DENND1A: variants seen among roughly 807,000 people sequenced by gnomAD.
The protein encoded by DENND1A is DENN domain-containing protein 1A.
A neutral mutation model predicts 113.7 loss-of-function variants in DENND1A; 51 were observed. The observed-to-expected ratio is 0.45, with a 90% confidence interval of 0.36 to 0.57. The LOEUF (loss-of-function observed/expected upper bound fraction) is 0.57. Ranked by LOEUF, DENND1A falls within the 20% of genes least tolerant of loss-of-function variation. The pLI, the probability that DENND1A is intolerant of heterozygous loss-of-function variation, is 0.00. For missense variants in DENND1A, 1,258 were observed against 1,395.9 expected, an observed-to-expected ratio of 0.90 and a Z score of 1.57; for synonymous variants, 565 against 570.8, an observed-to-expected ratio of 0.99 and a Z score of 0.14.
intron 4 of DENND1A, among the ~76,000 whole-genome samples, chr9:123,766,286 T>C (rs1280557684): frequency 6.6e-6 from 1 of 152,176 alleles, no homozygotes; most frequent in African/African-American, 2.4e-5. Flanking sequence ...CTAACCTCAC[T>C]ATCCTTTGGG....
chr9:123,738,968 C>G (rs2068781221), intron 5 of DENND1A, among the ~76,000 whole-genome samples: 1 of 152,182 alleles, frequency 6.6e-6, no homozygotes, highest in Non-Finnish European at 1.5e-5. Context: ...TGTTCACAAG[C>G]ATGCATATGT....
intron 13 of DENND1A, among the ~76,000 whole-genome samples, chr9:123,504,703 G>A (rs1339296035): frequency 6.6e-6 from 1 of 152,152 alleles, no homozygotes; most frequent in Non-Finnish European, 1.5e-5. Context: ...AGAAACTGAA[G>A]CCCAGAGAAG....
intron 2 of DENND1A, among the ~76,000 whole-genome samples, chr9:123,841,553 G>A (rs1293255848): frequency 2.0e-5 from 3 of 152,102 alleles, no homozygotes; most frequent in African/African-American, 7.2e-5. Flanking sequence ...CAGAAGCTCA[G>A]GCAAACTAAC....
intron 13 of DENND1A, among the ~76,000 whole-genome samples, chr9:123,507,660 G>A (rs1402847154): frequency 6.6e-6 from 1 of 151,284 alleles, no homozygotes; most frequent in Non-Finnish European, 1.5e-5. Flanking sequence ...ACCAGTCTGG[G>A]CAACATAGCG....
intron 13 of DENND1A, among the ~76,000 whole-genome samples, chr9:123,514,805 G>A (rs894555255): frequency 2.6e-5 from 4 of 152,258 alleles, no homozygotes; most frequent in East Asian, 1.9e-4. Context: ...CAACTAGAAG[G>A]GCCTAGCATC....
intron 13 of DENND1A, among the ~76,000 whole-genome samples, chr9:123,476,503 A>G (rs2049926174): frequency 6.6e-6 from 1 of 152,164 alleles, no homozygotes; most frequent in South Asian, 2.1e-4. Context: ...TTGGAACCCA[A>G]CATTTGTTGG....
At chr9:123,888,821 G>A (rs1326911460) in intron 1 of DENND1A, among the ~76,000 whole-genome samples, 3 of 152,174 alleles carry the variant, frequency 2.0e-5, no homozygotes, top group East Asian at 1.9e-4. Context: ...AGGATTAGAC[G>A]TAGTAACAAA....
At chr9:123,728,453 G>T (rs1433858887) in intron 5 of DENND1A, among the ~76,000 whole-genome samples, 2 of 113,476 alleles carry the variant, frequency 1.8e-5, no homozygotes, top group African/African-American at 3.6e-5. Flanking sequence ...CTCCTGCCTG[G>T]GCAACAATTG....
At chr9:123,796,284 A>G (rs1437650537) in intron 2 of DENND1A, among the ~76,000 whole-genome samples, 2 of 152,168 alleles carry the variant, frequency 1.3e-5, no homozygotes, top group Admixed American at 6.5e-5. Flanking sequence ...GGCCACAAGA[A>G]GCATTTCCAT....
intron 9 of DENND1A, among the ~76,000 whole-genome samples, chr9:123,646,852 G>A (rs2062363203): frequency 6.6e-6 from 1 of 152,156 alleles, no homozygotes; most frequent in African/African-American, 2.4e-5. Context: ...TGGCCTCAGA[G>A]AGGACAGACG....
At chr9:123,411,686 G>A (rs2044318396) in intron 20 of DENND1A, 90 bp downstream of exon 20, 1 of 904,652 alleles carries the variant, frequency 1.1e-6, no homozygotes. Context: ...TTGCCAGGCA[G>A]GAGGGTCCAA....
At position 123,554,842 on chromosome 9, in the gene DENND1A, A is replaced by G. The variant is rs140053098; in HGVS notation, c.993+2728T>C. The stretch of plus-strand genomic sequence containing the variant: ...ATAGTACATCTTATGACTGAACAGC[A>G]TCTTACATTCAAGGACAAGTGCCAT... On this transcript the variant is annotated intron_variant, in intron 13 of 23. Transcript: ENST00000394215. Among the ~76,000 whole-genome samples, 33 of 152,350 alleles carry G rather than the reference A, an allele frequency of 2.2e-4. No individual in the cohort carries two copies. In the East Asian group the frequency reaches 6.4e-3, roughly 29 times the overall value.
intron 1 of DENND1A, among the ~76,000 whole-genome samples, chr9:123,888,262 C>A (rs1441976024): frequency 6.6e-6 from 1 of 152,220 alleles, no homozygotes; most frequent in Non-Finnish European, 1.5e-5. Flanking sequence ...AGGGCTTCCA[C>A]TGGCCAAATC....
intron 2 of DENND1A, among the ~76,000 whole-genome samples, chr9:123,800,787 A>G (rs1358385880): frequency 6.6e-6 from 1 of 152,258 alleles, no homozygotes; most frequent in African/African-American, 2.4e-5. Context: ...TAAAAGATGA[A>G]TTCATATTAA....
chr9:123,642,752 C>A (rs1397159680), intron 9 of DENND1A, among the ~76,000 whole-genome samples: 1 of 152,112 alleles, frequency 6.6e-6, no homozygotes, highest in East Asian at 1.9e-4. Context: ...TGGCTCTGCT[C>A]CAGGATTTCA....
At chr9:123,777,240 A>C (rs1830601559) in intron 3 of DENND1A, among the ~76,000 whole-genome samples, 1 of 152,158 alleles carries the variant, frequency 6.6e-6, no homozygotes, top group Admixed American at 6.5e-5. Context: ...CAGTCATTGG[A>C]GTATTGGAAG....
intron 11 of DENND1A, among the ~76,000 whole-genome samples, chr9:123,586,619 C>T (rs1364693584): frequency 6.6e-6 from 1 of 152,170 alleles, no homozygotes; most frequent in Non-Finnish European, 1.5e-5. Context: ...TCCAAAAGGG[C>T]TGGCGTGGAC....
At chr9:123,383,223 G>A (rs1269296398) in intron 23 of DENND1A, among the ~76,000 whole-genome samples, 1 of 152,252 alleles carries the variant, frequency 6.6e-6, no homozygotes, top group East Asian at 1.9e-4. Flanking sequence ...GCGGGGATGT[G>A]ATGGATTAGA....
At chr9:123,891,757 T>G (rs1849933677) in intron 1 of DENND1A, among the ~76,000 whole-genome samples, 2 of 152,224 alleles carry the variant, frequency 1.3e-5, no homozygotes, top group Non-Finnish European at 2.9e-5. Context: ...TGGAGTAACA[T>G]GGACCACATT....
Sources: gnomAD v4.1 joint callset for allele counts (sites outside exome capture counted in the v4.1 genomes callset) on GRCh38, gnomAD v4.1.1 for gene constraint, MANE v1.5 for transcripts, NCBI Gene and HGNC (gene_info 2026-07-23, HGNC 2026-07-21) for gene names.